The following CELF2 variants were observed in gnomAD, a reference collection of about 807,000 sequenced individuals.
CELF2 encodes the protein CUG triplet repeat RNA-binding protein 2.
CELF2 carries 8 observed loss-of-function variants against 62.6 expected under a neutral mutation model. The ratio of observed to expected loss-of-function variants is 0.13; its 90% CI spans 0.07 to 0.23. CELF2 has a LOEUF of 0.23. Ranked by LOEUF, CELF2 falls within the 10% of genes least tolerant of loss-of-function variation. The probability of loss-of-function intolerance (pLI) is 1.00; values close to 1 mark genes in which losing one functional copy is unlikely to be tolerated. For missense variants in CELF2, 333 were observed against 671.0 expected, an observed-to-expected ratio of 0.50 and a Z score of 5.56; for synonymous variants, 258 against 250.0, an observed-to-expected ratio of 1.03 and a Z score of -0.30.
chr10:11,025,659 T>C (rs1048026679), intron 1 of CELF2, among the ~76,000 whole-genome samples: 2 of 152,236 alleles, frequency 1.3e-5, no homozygotes, highest in Admixed American at 6.5e-5. Context: ...TAATACAGCA[T>C]AGGTCTTCGC....
At chr10:10,753,153 T>A in the CELF2 span, among the ~76,000 whole-genome samples, 8 of 152,334 alleles carry the variant, frequency 5.3e-5, no homozygotes, top group East Asian at 1.5e-3. Context: ...TGTTTTAGTT[T>A]GTGTGTATTT....
the CELF2 span, among the ~76,000 whole-genome samples, chr10:10,595,753 A>G: frequency 0.13 from 19,170 of 152,170 alleles, 1,522 homozygotes; most frequent in Non-Finnish European, 0.18. Flanking sequence ...AAAATTAGCC[A>G]GGTATGATAG....
intron 5 of CELF2, among the ~76,000 whole-genome samples, chr10:11,258,183 AAGG>A (rs1015318631): frequency 6.6e-6 from 1 of 152,202 alleles, no homozygotes; most frequent in African/African-American, 2.4e-5. Flanking sequence ...GAGGTGCAAG[AAGG>A]AGAAGTAGAA....
intron 1 of CELF2, among the ~76,000 whole-genome samples, 192 bp downstream of exon 1, chr10:11,018,355 G>A (rs901919540): frequency 2.6e-5 from 4 of 151,662 alleles, no homozygotes; most frequent in African/African-American, 4.8e-5. Flanking sequence ...CAGCGCCGGC[G>A]GTGCAGGGCG....
chr10:10,746,462 A>C, the CELF2 span, among the ~76,000 whole-genome samples: 1 of 152,198 alleles, frequency 6.6e-6, no homozygotes, highest in African/African-American at 2.4e-5. Context: ...TTTCAGATTG[A>C]TTAGCCATTT....
intron 1 of CELF2, among the ~76,000 whole-genome samples, chr10:11,048,295 C>G (rs1205466180): frequency 6.6e-6 from 1 of 152,114 alleles, no homozygotes; most frequent in African/African-American, 2.4e-5. Context: ...TTTTTTTCCC[C>G]CTTTGCATTT....
At chr10:11,288,921 A>G (rs2091992448) in intron 9 of CELF2, among the ~76,000 whole-genome samples, 2 of 152,332 alleles carry the variant, frequency 1.3e-5, no homozygotes, top group Middle Eastern at 6.8e-3. Context: ...AGACAATGTA[A>G]GAATTCTGTT....
At chr10:10,483,122 G>A in the CELF2 span, among the ~76,000 whole-genome samples, 2 of 149,610 alleles carry the variant, frequency 1.3e-5, no homozygotes, top group Admixed American at 6.8e-5. Flanking sequence ...TTGCTTCTCC[G>A]TGTTGCTTCT....
chr10:10,499,270 C>T, the CELF2 span, among the ~76,000 whole-genome samples: 6 of 151,860 alleles, frequency 4.0e-5, no homozygotes, highest in East Asian at 1.9e-4. Flanking sequence ...TTCACCATGT[C>T]GGCCAGGCTG....
the CELF2 span, among the ~76,000 whole-genome samples, chr10:10,758,344 C>G: frequency 6.6e-6 from 1 of 152,190 alleles, no homozygotes; most frequent in Admixed American, 6.5e-5. Context: ...CTTTGCCTGT[C>G]ACCTTTACAC....
rs969658708 is a variant in CELF2, at chr10:11,214,287, T to C, written c.272-3138T>C. 2.0e-5 allele frequency among the ~76,000 whole-genome samples: 3 copies of C among 152,068 alleles called. No homozygotes were observed. Among genetic ancestry groups the C allele is most frequent in the Non-Finnish European group, 4.4e-5 (3 of 68,002 alleles). On this transcript the variant is annotated intron_variant, in intron 2 of 12. Coordinates refer to ENST00000633077, the MANE Select transcript of CELF2 (RefSeq NM_001326342.2). This position sits in a 1 kb window ranked among gnomAD's most constrained non-coding sequence, Gnocchi z 4.2. Reference sequence around the variant, plus strand: ...ACAGAGTGACATCCTGTCTCAAAAATAAATAAATTTTTTAATGATGAAACT... The same window carrying C: ...ACAGAGTGACATCCTGTCTCAAAAACAAATAAATTTTTTAATGATGAAACT...
At chr10:10,943,353 A>G (rs1928722) in intron 2 of CELF2, among the ~76,000 whole-genome samples, 48,173 of 152,026 alleles carry the variant, frequency 0.32, 8,585 homozygotes, top group East Asian at 0.77. Flanking sequence ...CCAAAGGAAG[A>G]GTATTAGTTG....
the CELF2 span, among the ~76,000 whole-genome samples, chr10:10,635,394 C>T: frequency 6.6e-6 from 1 of 152,130 alleles, no homozygotes; most frequent in Non-Finnish European, 1.5e-5. Flanking sequence ...GGAAAGATTC[C>T]ATGTACCAGT....
chr10:11,299,357 G>A (rs1226912462), intron 9 of CELF2, among the ~76,000 whole-genome samples: 2 of 152,132 alleles, frequency 1.3e-5, no homozygotes, highest in Non-Finnish European at 2.9e-5. Context: ...CCTGGGCTGC[G>A]CCAGGTGACC....
chr10:11,327,326 TTCA>T, intron 12 of CELF2, among the ~76,000 whole-genome samples: 1 of 152,300 alleles, frequency 6.6e-6, no homozygotes, highest in East Asian at 1.9e-4. Context: ...GGAATTCTGC[TTCA>T]TGATTTGATT....
At chr10:11,265,695 A>C (rs1009913281) in intron 5 of CELF2, among the ~76,000 whole-genome samples, 8 of 152,264 alleles carry the variant, frequency 5.3e-5, no homozygotes, top group Non-Finnish European at 7.3e-5. Context: ...CATGGTGGCC[A>C]ACGCTGGTGC....
intron 3 of CELF2, among the ~76,000 whole-genome samples, chr10:11,234,203 TC>T (rs1488244464): frequency 1.3e-5 from 2 of 152,212 alleles, no homozygotes; most frequent in African/African-American, 4.8e-5. Flanking sequence ...CACCTGCTGT[TC>T]TTCATTCCCC....
chr10:10,967,677 C>A (rs1322165455), intron 2 of CELF2, among the ~76,000 whole-genome samples: 1 of 152,128 alleles, frequency 6.6e-6, no homozygotes, highest in Non-Finnish European at 1.5e-5. Flanking sequence ...AACGGGCCTG[C>A]CTTAGTGTTC....
chr10:11,158,792 C>T (rs552179982), intron 1 of CELF2, among the ~76,000 whole-genome samples: 11 of 152,308 alleles, frequency 7.2e-5, no homozygotes, highest in East Asian at 1.9e-4. Context: ...GACCCCCAAC[C>T]GAACACAGTT....
Sources: allele counts gnomAD v4.1 joint callset (sites outside exome capture counted in the v4.1 genomes callset), GRCh38; gene constraint gnomAD v4.1.1; non-coding constraint Gnocchi (gnomAD v3.1); transcripts MANE v1.5; gene names NCBI Gene and HGNC (gene_info 2026-07-23, HGNC 2026-07-21).